The following FAM53B variants were observed in gnomAD, a reference collection of about 807,000 sequenced individuals.
FAM53B encodes protein FAM53B.
Under a neutral mutation model 32.7 loss-of-function variants are expected in FAM53B, and 12 were observed. That is an observed-to-expected ratio of 0.37 (90% CI 0.24 to 0.59). FAM53B has a LOEUF of 0.59. FAM53B is among the 20% of genes least tolerant of loss of function. FAM53B has a pLI of 0.72. For synonymous variants in FAM53B, 234 were observed against 228.7 expected, an observed-to-expected ratio of 1.02 and a Z score of -0.21; for missense variants, 477 against 577.7, an observed-to-expected ratio of 0.83 and a Z score of 1.79.
chr10:124,707,960 A>T (rs565331275), intron 1 of FAM53B: 2 of 152,310 alleles, frequency 1.3e-5, no homozygotes, highest in East Asian at 1.9e-4. Flanking sequence ...CCCACCAAAC[A>T]AATGAAGAAA....
At chr10:124,664,310 C>T (rs1203555295) in intron 4 of FAM53B, among the ~76,000 whole-genome samples, 1 of 152,188 alleles carries the variant, frequency 6.6e-6, no homozygotes, top group Non-Finnish European at 1.5e-5. Context: ...GGCCCGCTTA[C>T]CCCAGGCATG....
intron 4 of FAM53B, 138 bp downstream of exon 4, chr10:124,681,469 T>C (rs1949771037): frequency 2.7e-6 from 2 of 727,746 alleles, no homozygotes; most frequent in South Asian, 2.2e-5. Context: ...TTTCTTTGAA[T>C]AGGATTTAAA....
At chr10:124,736,266 C>T (rs4962693) in intron 1 of FAM53B, among the ~76,000 whole-genome samples, 74,662 of 152,176 alleles carry the variant, frequency 0.49, 20,513 homozygotes, top group South Asian at 0.65. Flanking sequence ...AGTCTGTGCC[C>T]ACTACCTTCC....
In FAM53B at chr10:124,620,355, G is replaced by GCCCCCCCCCCCCC. The variant is rs57254391; in HGVS notation, c.*2886_*2887insGGGGGGGGGGGGG. On this transcript the variant is annotated 3_prime_UTR_variant, in exon 5 of 5. Coordinates refer to ENST00000337318, the MANE Select transcript of FAM53B (RefSeq NM_014661.4). ...ATGAGTGGGGTGCATGTGGCACTAA[G>GCCCCCCCCCCCCC]CCCCCCCCACCGCCCCGGCTTTCCT... 13 of 130,764 alleles carry GCCCCCCCCCCCCC rather than the reference G, an allele frequency of 9.9e-5. No homozygotes were observed. The highest frequency in any genetic ancestry group is 2.1e-4 in the African/African-American group (7 of 34,020). The allele number at this position is 130,764 out of a possible 1,614,324, so 8.1% of individuals were successfully genotyped here.
At chr10:124,694,003 G>T (rs572511837) in intron 3 of FAM53B, among the ~76,000 whole-genome samples, 1 of 152,360 alleles carries the variant, frequency 6.6e-6, no homozygotes, top group East Asian at 1.9e-4. Context: ...AGCCATGCAG[G>T]TCAGGGTTTT....
chr10:124,730,078 C>A (rs1292607412), intron 1 of FAM53B, among the ~76,000 whole-genome samples: 1 of 152,212 alleles, frequency 6.6e-6, no homozygotes, highest in African/African-American at 2.4e-5. Flanking sequence ...TGGAACTCAC[C>A]TTCCTTCCTC....
At chr10:124,706,494 C>T in intron 2 of FAM53B, 142 bp downstream of exon 2, 2 of 972,014 alleles carry the variant, frequency 2.1e-6, no homozygotes, top group Non-Finnish European at 3.2e-6. Context: ...CCCTGTTGCC[C>T]CAGCCCGGGA....
intron 1 of FAM53B, among the ~76,000 whole-genome samples, chr10:124,716,810 G>A (rs1197190368): frequency 6.6e-6 from 1 of 151,996 alleles, no homozygotes; most frequent in Non-Finnish European, 1.5e-5. Context: ...CACACTTACC[G>A]AGTGGCCACA....
chr10:124,726,236 T>C (rs1009808712), intron 1 of FAM53B, among the ~76,000 whole-genome samples: 1 of 151,938 alleles, frequency 6.6e-6, no homozygotes, highest in African/African-American at 2.4e-5. Flanking sequence ...AAAAGTTGAG[T>C]TTCTTGCAAA....
At chr10:124,631,913 A>G (rs746280572) in intron 4 of FAM53B, among the ~76,000 whole-genome samples, 41 of 152,036 alleles carry the variant, frequency 2.7e-4, no homozygotes, top group Middle Eastern at 3.2e-3. Flanking sequence ...CGTGCAGGGA[A>G]CCCTGACCCC....
At chr10:124,713,037 G>A (rs1013860451) in intron 1 of FAM53B, among the ~76,000 whole-genome samples, 9 of 152,166 alleles carry the variant, frequency 5.9e-5, no homozygotes, top group Non-Finnish European at 7.3e-5. Flanking sequence ...GGCTGCTGCC[G>A]TGGTCAGCAA....
rs1040844432 is a variant in FAM53B at position 124,725,916 on chromosome 10, A to G, written c.-175+18097T>C. On this transcript the variant is annotated intron_variant, in intron 1 of 4. Coordinates refer to ENST00000337318, the MANE Select transcript of FAM53B (RefSeq NM_014661.4). The stretch of plus-strand genomic sequence containing the variant: ...TATGCCAGGCAGCCAAGACCCACAC[A>G]GGCCAACCCACATCCTTGCTGGGGG... Among the ~76,000 whole-genome samples the G allele has an allele frequency of 3.9e-5, 6 of 152,158 alleles. No homozygotes were observed. In the East Asian group the frequency reaches 7.7e-4, roughly 20 times the overall value.
chr10:124,701,255 G>C (rs1214731884), intron 2 of FAM53B, among the ~76,000 whole-genome samples: 2 of 152,242 alleles, frequency 1.3e-5, no homozygotes, highest in Non-Finnish European at 1.5e-5. Flanking sequence ...CCAGGCAACT[G>C]GGTGCAAGGC....
At chr10:124,668,769 C>T (rs1228941615) in intron 4 of FAM53B, among the ~76,000 whole-genome samples, 1 of 152,296 alleles carries the variant, frequency 6.6e-6, no homozygotes, top group African/African-American at 2.4e-5. Flanking sequence ...CAGAACAGGC[C>T]TGGCGGAGCA....
intron 4 of FAM53B, among the ~76,000 whole-genome samples, chr10:124,636,944 G>A (rs1164933899): frequency 6.6e-6 from 1 of 151,996 alleles, no homozygotes; most frequent in Non-Finnish European, 1.5e-5. Context: ...CTCTCGATCT[G>A]GGGGGAGCGA....
chr10:124,636,639 G>C (rs747981108), intron 4 of FAM53B, among the ~76,000 whole-genome samples: 30 of 145,302 alleles, frequency 2.1e-4, no homozygotes, highest in Non-Finnish European at 3.6e-4. Context: ...CACCTGTCTT[G>C]TCCACAGAGG....
chr10:124,664,526 C>T (rs749446311), intron 4 of FAM53B, among the ~76,000 whole-genome samples: 1 of 152,198 alleles, frequency 6.6e-6, no homozygotes, highest in Non-Finnish European at 1.5e-5. Context: ...GCCCCCAAGT[C>T]TTCAAAACCC....
intron 4 of FAM53B, among the ~76,000 whole-genome samples, chr10:124,658,345 G>A (rs898722969): frequency 9.8e-5 from 15 of 152,294 alleles, no homozygotes; most frequent in Admixed American, 9.1e-4. Context: ...GGAGTCCCAG[G>A]CTATGGACCT....
intron 1 of FAM53B, among the ~76,000 whole-genome samples, chr10:124,711,469 G>T (rs111609646): frequency 2.0e-5 from 3 of 152,080 alleles, no homozygotes; most frequent in Non-Finnish European, 4.4e-5. Flanking sequence ...AGGGGACAGC[G>T]AGTAAGGGAT....
Sources: allele counts gnomAD v4.1 joint callset (sites outside exome capture counted in the v4.1 genomes callset), GRCh38; gene constraint gnomAD v4.1.1; transcripts MANE v1.5; gene names NCBI Gene and HGNC (gene_info 2026-07-23, HGNC 2026-07-21).